The following SRCAP variants were observed in gnomAD, a reference collection of about 807,000 sequenced individuals.
SRCAP encodes chromatin remodeling protein SRCAP.
Under a neutral mutation model 263.1 loss-of-function variants are expected in SRCAP, and 46 were observed. The ratio of observed to expected loss-of-function variants is 0.17; its 90% confidence interval spans 0.14 to 0.22. The LOEUF (loss-of-function observed/expected upper bound fraction) is 0.22, where lower values mean the gene tolerates loss of function less well. Ranked by LOEUF, SRCAP falls within the 10% of genes least tolerant of loss-of-function variation. The pLI, the probability that SRCAP is intolerant of heterozygous loss-of-function variation, is 1.00. For missense variants in SRCAP, 3,695 were observed against 4,181.9 expected, an observed-to-expected ratio of 0.88 and a Z score of 3.21; for synonymous variants, 1,813 against 1,662.1, an observed-to-expected ratio of 1.09 and a Z score of -2.21.
chr16:30,722,411 G>C (rs1385933742), intron 22 of SRCAP, 125 bp downstream of exon 22: 2 of 1,507,970 alleles, frequency 1.3e-6, no homozygotes, highest in Non-Finnish European at 1.8e-6. Context: ...GGGCCAACGG[G>C]CATGGTTGGA....
intron 21 of SRCAP, 150 bp from the exon 22 acceptor site, chr16:30,721,972 G>A: frequency 3.1e-6 from 3 of 962,688 alleles, no homozygotes; most frequent in Non-Finnish European, 4.6e-6. Flanking sequence ...GGCTGTAGGT[G>A]GAGGCTGAGT....
chr16:30,714,104 G>C (rs1359788029), intron 16 of SRCAP, among the ~76,000 whole-genome samples: 6 of 144,022 alleles, frequency 4.2e-5, no homozygotes, highest in Non-Finnish European at 9.0e-5. Flanking sequence ...TCACTCTGTC[G>C]CCCAGGCTGG....
chr16:30,735,368 G>A (rs1274883551), intron 31 of SRCAP, among the ~76,000 whole-genome samples: 1 of 150,944 alleles, frequency 6.6e-6, no homozygotes, highest in Admixed American at 6.6e-5. Context: ...GGATGGTCTC[G>A]ATCTCCTGAC....
intron 4 of SRCAP, 21 bp downstream of exon 4, chr16:30,704,336 T>C (rs753165963): frequency 4.5e-6 from 7 of 1,561,684 alleles, no homozygotes; most frequent in Middle Eastern, 3.4e-4. Context: ...GAAAGGCTTA[T>C]GAAGATTCTT....
chr16:30,710,731 C>T, intron 8 of SRCAP, 23 bp from the exon 9 acceptor site: 1 of 1,613,506 alleles, frequency 6.2e-7, no homozygotes, highest in South Asian at 1.1e-5. Flanking sequence ...AGACCCTTCC[C>T]TTTTTTATCT....
At position 30,740,143 on chromosome 16, in the gene SRCAP, G is replaced by A. The variant is rs1478103703; in HGVS notation, c.*410G>A. The stretch of plus-strand genomic sequence containing the variant: ...TCTGTATGAGCATCCGCGTAAGGAG[G>A]CTTCTGATTTTCTGGTCTGGTGGAG... On this transcript the variant is annotated 3_prime_UTR_variant, in exon 34 of 34. Coordinates refer to ENST00000262518, the MANE Select transcript of SRCAP (RefSeq NM_006662.3). 6.5e-6 allele frequency: 1 copy of A among 153,634 alleles called. No homozygotes were observed. Among genetic ancestry groups the A allele is most frequent in the Non-Finnish European group, 1.4e-5 (1 of 69,160 alleles). The allele number at this position is 153,634 out of a possible 1,614,324, so 9.5% of individuals were successfully genotyped here. A position where few individuals can be genotyped will look rare whatever the true frequency, so the allele number is the denominator to read the frequency against.
Position 30,713,688 on chromosome 16 carries a change from G to A in SRCAP, c.2470G>A (p.Gly824Ser). The A allele has an allele frequency of 6.2e-7, 1 of 1,614,060 alleles. No homozygotes were observed. The highest frequency in any genetic ancestry group is 8.5e-7 in the Non-Finnish European group (1 of 1,180,026). ...TGAGGGCAGCCAAGAGTATAATGAA[G>A]GTCTAGTCAAACGCCTCCACAAGGT... Reference protein sequence around the residue: ...MIEGSQEYNEGLVKRLHKVLR... With the variant: ...MIEGSQEYNESLVKRLHKVLR... The change falls in exon 16 of 34, where the codon GGT becomes AGT. Residue 824 changes from glycine (G) to serine (S), a missense_variant. By Grantham distance (56) the Gly-to-Ser change is moderately conservative (BLOSUM62 0). Transcript: ENST00000262518.
Position 30,738,230 on chromosome 16 carries a change from T to C in SRCAP, c.8190T>C (p.Ile2730=). ...PRRRTSADVE[I]RGQGTGRPGQ... is the part of the protein sequence containing the mutation. ...GTCGCACCAGTGCTGATGTGGAAAT[T>C]AGGGGTCAAGGGACTGGTCGGCCAG... The change falls in exon 34 of 34, where the codon ATT becomes ATC. Residue 2730 remains isoleucine, a synonymous_variant. Coordinates refer to ENST00000262518, the MANE Select transcript of SRCAP (RefSeq NM_006662.3). 1 of 1,614,038 alleles carries C rather than the reference T, an allele frequency of 6.2e-7. No homozygotes were observed. Among genetic ancestry groups the C allele is most frequent in the Non-Finnish European group, 8.5e-7 (1 of 1,179,978 alleles).
rs762723574 is a variant in SRCAP at position 30,733,798 on chromosome 16, G to A, written c.6494G>A (p.Arg2165Lys). The A allele has an allele frequency of 1.2e-6, 2 of 1,612,498 alleles. No homozygotes were observed. The highest frequency in any genetic ancestry group is 2.7e-5 in the African/African-American group (2 of 74,866). The part of the protein sequence containing the change: ...IGQTRDVHIY[R>K]LISERTVEEN... ...CAGACCCGGGATGTCCACATATATA[G>A]GTATTGCCTAGTCTTCCCTCACCTT... Residue 2165 changes from arginine (R) to lysine (K), a missense_variant and splice_region_variant, in exon 29 of 34, where the codon AGG becomes AAG. Physicochemically the swap from Arg to Lys is conservative, Grantham distance 26. Transcript: ENST00000262518. The surrounding 1 kb of genome is among the most constrained non-coding windows in gnomAD (Gnocchi z 5.3).
chr16:30,711,945 C>G lies in SRCAP; in HGVS notation c.1603C>G (p.Gln535Glu). The G allele has an allele frequency of 6.2e-7, 1 of 1,613,850 alleles. No individual in the cohort carries two copies. Among genetic ancestry groups the G allele is most frequent in the Non-Finnish European group, 8.5e-7 (1 of 1,179,976 alleles). Reference sequence around the variant, plus strand: ...TGAGTCTGAAGAGTCTGAGGATGCCCAATCACAGAGCCAAGCAGATGAAGA... The same window carrying G: ...TGAGTCTGAAGAGTCTGAGGATGCCGAATCACAGAGCCAAGCAGATGAAGA... Reference protein sequence around the residue: ...ESESEESEDAQSQSQADEEEE... With the variant: ...ESESEESEDAESQSQADEEEE... The change falls in exon 12 of 34, where the codon CAA becomes GAA. Residue 535 changes from glutamine to glutamate, a missense_variant. Gln to Glu is a conservative substitution (Grantham distance 29). Coordinates refer to ENST00000262518, the MANE Select transcript of SRCAP (RefSeq NM_006662.3).
rs778584015 is a variant in SRCAP, at chr16:30,722,681, G to T, written c.3825G>T (p.Leu1275=). 1 of 1,613,892 alleles carries T rather than the reference G, an allele frequency of 6.2e-7. No homozygotes were observed. The highest frequency in any genetic ancestry group is 1.7e-5 in the Admixed American group (1 of 60,000). Reference sequence around the variant, plus strand: ...CTGGCCCTACCCCTGTCTCTGTGCTGCCTTCTTCGACCCCCAGCACCACCC... The same window carrying T: ...CTGGCCCTACCCCTGTCTCTGTGCTTCCTTCTTCGACCCCCAGCACCACCC... ...PTPGPTPVSV[L]PSSTPSTTPA... Residue 1275 remains leucine (L), a synonymous_variant, in exon 23 of 34, where the codon CTG becomes CTT. Transcript: ENST00000262518.
At chr16:30,700,168 G>A (rs1463630803) in intron 2 of SRCAP, among the ~76,000 whole-genome samples, 187 bp downstream of exon 2, 1 of 152,162 alleles carries the variant, frequency 6.6e-6, no homozygotes, top group African/African-American at 2.4e-5. Flanking sequence ...AGGAAAACGT[G>A]GTCAACCTGG....
intron 4 of SRCAP, among the ~76,000 whole-genome samples, chr16:30,705,115 A>C (rs1009956997): frequency 2.3e-4 from 35 of 152,174 alleles, no homozygotes; most frequent in African/African-American, 8.2e-4. Context: ...AGCCTGGCCA[A>C]CGTGGCAAAA....
chr16:30,722,518 G>C (rs751582819), intron 22 of SRCAP, 45 bp from the exon 23 acceptor site: 5 of 1,606,266 alleles, frequency 3.1e-6, no homozygotes, highest in Non-Finnish European at 4.3e-6. Flanking sequence ...CCCTCCTCAG[G>C]CTGATAGCTG....
At chr16:30,702,475 C>G (rs2052776919) in intron 3 of SRCAP, among the ~76,000 whole-genome samples, 1 of 150,824 alleles carries the variant, frequency 6.6e-6, no homozygotes, top group South Asian at 2.1e-4. Context: ...CTCTGGTAAT[C>G]CACCCGCCTC....
chr16:30,729,021 T>G lies in SRCAP; in HGVS notation c.5714T>G (p.Phe1905Cys), dbSNP rs752435131. The G allele has an allele frequency of 1.2e-6, 2 of 1,614,042 alleles. No individual in the cohort carries two copies. The highest frequency in any genetic ancestry group is 1.7e-6 in the Non-Finnish European group (2 of 1,180,022). Residue 1905 changes from phenylalanine (F) to cysteine (C), a missense_variant, in exon 26 of 34, where the codon TTC (phenylalanine) becomes TGC (cysteine). Coordinates refer to ENST00000262518, the MANE Select transcript of SRCAP (RefSeq NM_006662.3). The part of the protein sequence containing the change: ...RQRSERLERI[F>C]QLSEAHGALA... ...CGGTCTGAACGCCTGGAACGGATTT[T>G]CCAACTTAGTGAGGCTCATGGGGCC...
intron 30 of SRCAP, 83 bp downstream of exon 30, chr16:30,734,091 T>C: frequency 7.9e-7 from 1 of 1,265,136 alleles, no homozygotes; most frequent in Non-Finnish European, 1.1e-6. Flanking sequence ...AGAAGACTGC[T>C]TTGGACTTTG....
In SRCAP at chr16:30,734,067, C is replaced by A. The variant is rs2053136925; in HGVS notation, c.6609+59C>A. On this transcript the variant is annotated intron_variant, in intron 30 of 33. Transcript: ENST00000262518. ...AAAACTGCTGCGCCTTCAGGAGTTC[C>A]TCCTGTTTATTAAAGAAGACTGCTT... 37 of 1,430,230 alleles carry A rather than the reference C, an allele frequency of 2.6e-5. 1 individual carries two copies. In the South Asian group the frequency reaches 4.6e-4, roughly 18 times the overall value. The allele number at this position is 1,430,230 out of a possible 1,614,324, so 88.6% of individuals were successfully genotyped here.
rs763243744 is a variant in SRCAP at position 30,737,850 on chromosome 16, C to T, written c.7810C>T (p.Pro2604Ser). The change falls in exon 34 of 34, where the codon CCT becomes TCT. Residue 2604 changes from proline (P) to serine (S), a missense_variant. Physicochemically the swap from Pro to Ser is moderately conservative, Grantham distance 74. Around this residue, in one of 12 missense-constraint regions of SRCAP, gnomAD observed 1,207 missense variants for 1,142.9 expected, o/e 1.06. Transcript: ENST00000262518. ...PVSEKNLSLT[P>S]SAPSLTLEAG... is the part of the protein sequence containing the mutation. Reference sequence around the variant, plus strand: ...GTCAGAGAAGAACCTTTCTCTCACCCCTTCTGCACCCAGCCTGACCTTGGA... The same window carrying T: ...GTCAGAGAAGAACCTTTCTCTCACCTCTTCTGCACCCAGCCTGACCTTGGA... The T allele has an allele frequency of 1.2e-6, 2 of 1,614,186 alleles. No homozygotes were observed. Among genetic ancestry groups the T allele is most frequent in the South Asian group, 1.1e-5 (1 of 91,090 alleles).
Sources: allele counts gnomAD v4.1 joint callset (sites outside exome capture counted in the v4.1 genomes callset), GRCh38; gene constraint gnomAD v4.1.1; regional missense constraint gnomAD v4.1.1; non-coding constraint Gnocchi (gnomAD v3.1); transcripts MANE v1.5; gene names NCBI Gene and HGNC (gene_info 2026-07-23, HGNC 2026-07-21).